MCPH1: variants seen among roughly 807,000 people sequenced by gnomAD.
The protein encoded by MCPH1 is microcephalin 1.
Under a neutral mutation model 84.5 loss-of-function variants are expected in MCPH1, and 104 were observed. The observed-to-expected ratio is 1.23, with a 90% CI of 1.05 to 1.45. The LOEUF is 1.45. Ranked by LOEUF, MCPH1 falls within the 40% of genes most tolerant of loss-of-function variation. MCPH1 has a pLI of 0.00. For synonymous variants in MCPH1, 514 were observed against 366.8 expected, an observed-to-expected ratio of 1.40 and a Z score of -4.58; for missense variants, 1,498 against 1,005.7, an observed-to-expected ratio of 1.49 and a Z score of -6.62.
rs1414031254 is a variant in MCPH1, at chr8:6,414,803, C to T, written c.153C>T (p.Ile51=). 4 of 1,613,704 alleles carry T rather than the reference C, an allele frequency of 2.5e-6. No individual in the cohort carries two copies. The highest frequency in any genetic ancestry group is 2.5e-6 in the Non-Finnish European group (3 of 1,179,876). ...KTFNKQVTHV[I]FKDGYQSTWD... ...TTAACAAACAAGTAACTCACGTTAT[C>T]TTCAAAGATGGCTACCAGAGCACTT... The change falls in exon 3 of 14, where the codon ATC becomes ATT. Residue 51 remains isoleucine, a synonymous_variant. Transcript: ENST00000344683.
At chr8:6,448,631 G>A (rs1263414818) in intron 8 of MCPH1, among the ~76,000 whole-genome samples, 4 of 152,302 alleles carry the variant, frequency 2.6e-5, no homozygotes, top group African/African-American at 7.2e-5. Flanking sequence ...CATTTCTTGT[G>A]TGTGTGTCTA....
At chr8:6,546,031 T>C (rs2129574436) in intron 12 of MCPH1, among the ~76,000 whole-genome samples, 1 of 152,348 alleles carries the variant, frequency 6.6e-6, no homozygotes, top group Non-Finnish European at 1.5e-5. Context: ...GATTTGAGAA[T>C]CAAACACACC....
At chr8:6,413,971 T>C (rs1203918615) in intron 2 of MCPH1, among the ~76,000 whole-genome samples, 3 of 152,138 alleles carry the variant, frequency 2.0e-5, no homozygotes, top group Non-Finnish European at 4.4e-5. Context: ...GCCAGGCTAG[T>C]CTTAAATTTC....
chr8:6,527,813 G>T, intron 12 of MCPH1: 5 of 857,886 alleles, frequency 5.8e-6, no homozygotes, highest in Non-Finnish European at 8.5e-6. Context: ...TCTTATTTTG[G>T]CATATTTTTC....
chr8:6,612,758 C>A (rs927754131), intron 12 of MCPH1, among the ~76,000 whole-genome samples: 1 of 152,232 alleles, frequency 6.6e-6, no homozygotes, highest in East Asian at 1.9e-4. Flanking sequence ...GCTCCTTCTC[C>A]CAGCTGGTGG....
At chr8:6,609,828 C>CCCCCACCCA (rs1475345162) in intron 12 of MCPH1, among the ~76,000 whole-genome samples, 1 of 108,744 alleles carries the variant, frequency 9.2e-6, no homozygotes. Flanking sequence ...CGCCCCCCCC[C>CCCCCACCCA]CACACACAGA....
At chr8:6,521,037 C>T (rs1817237125) in intron 12 of MCPH1, 1 of 630,302 alleles carries the variant, frequency 1.6e-6, no homozygotes, top group South Asian at 2.2e-5. Flanking sequence ...TCTCTTCTTC[C>T]TTCATTTTAA....
intron 12 of MCPH1, among the ~76,000 whole-genome samples, chr8:6,562,151 TA>T (rs1302592028): frequency 6.6e-6 from 1 of 152,192 alleles, no homozygotes; most frequent in Non-Finnish European, 1.5e-5. Flanking sequence ...TTTTAGTAAA[TA>T]AATTCAGGAA....
At chr8:6,425,437 G>A (rs549941788) in intron 3 of MCPH1, among the ~76,000 whole-genome samples, 1 of 152,324 alleles carries the variant, frequency 6.6e-6, no homozygotes, top group East Asian at 1.9e-4. Context: ...GTTACCACGT[G>A]TGCTAAAGCA....
chr8:6,555,282 C>A (rs1377589279), intron 12 of MCPH1, among the ~76,000 whole-genome samples: 1 of 152,150 alleles, frequency 6.6e-6, no homozygotes. Flanking sequence ...GAGAAGGCCA[C>A]ATGGAACTTC....
At chr8:6,438,556 G>C (rs982369057) in intron 5 of MCPH1, among the ~76,000 whole-genome samples, 1 of 152,208 alleles carries the variant, frequency 6.6e-6, no homozygotes, top group African/African-American at 2.4e-5. Context: ...GAGGGTAGGA[G>C]TGATGGTTCA....
intron 12 of MCPH1, among the ~76,000 whole-genome samples, chr8:6,546,556 T>C (rs766290647): frequency 6.6e-6 from 1 of 152,130 alleles, no homozygotes; most frequent in Non-Finnish European, 1.5e-5. Flanking sequence ...TAAAACTCAA[T>C]TTATATGTAT....
chr8:6,558,045 T>C (rs142037280), intron 12 of MCPH1, among the ~76,000 whole-genome samples: 15 of 152,326 alleles, frequency 9.8e-5, no homozygotes, highest in African/African-American at 3.6e-4. Context: ...CACGCACCTT[T>C]AGTTACCTCA....
At chr8:6,430,586 A>G (rs557202372) in intron 3 of MCPH1, among the ~76,000 whole-genome samples, 4 of 152,316 alleles carry the variant, frequency 2.6e-5, no homozygotes, top group South Asian at 4.1e-4. Flanking sequence ...AGAAATTTCT[A>G]TATCAATATG....
intron 7 of MCPH1, among the ~76,000 whole-genome samples, chr8:6,442,928 T>C (rs1803735242): frequency 1.3e-5 from 2 of 152,258 alleles, no homozygotes; most frequent in African/African-American, 2.4e-5. Flanking sequence ...CTCTCACCTC[T>C]GTGTGCTGGA....
chr8:6,625,963 G>A, intron 13 of MCPH1: 1 of 984,940 alleles, frequency 1.0e-6, no homozygotes, highest in Non-Finnish European at 1.2e-6. Flanking sequence ...TTAGTATTCT[G>A]TGGCCAGAGG....
chr8:6,446,255 A>G (rs1044689718), intron 8 of MCPH1: 1 of 978,762 alleles, frequency 1.0e-6, no homozygotes. Flanking sequence ...TATAAGCACA[A>G]ATAGGTTCCA....
At chr8:6,625,184 T>G (rs1001927368) in intron 13 of MCPH1, 18 of 985,296 alleles carry the variant, frequency 1.8e-5, no homozygotes, top group Non-Finnish European at 2.2e-5. Flanking sequence ...CGAAATCACC[T>G]ATTTTCTGTG....
chr8:6,415,194 A>G (rs1799093013), intron 3 of MCPH1, among the ~76,000 whole-genome samples: 1 of 152,152 alleles, frequency 6.6e-6, no homozygotes, highest in South Asian at 2.1e-4. Flanking sequence ...CTGCTGTAAC[A>G]AAGGACCACA....
Sources: allele counts gnomAD v4.1 joint callset (sites outside exome capture counted in the v4.1 genomes callset), GRCh38; gene constraint gnomAD v4.1.1; transcripts MANE v1.5; gene names NCBI Gene and HGNC (gene_info 2026-07-23, HGNC 2026-07-21).